CUL3: variants seen among roughly 807,000 people sequenced by gnomAD.
The protein encoded by CUL3 is cullin 3.
A neutral mutation model predicts 89.1 loss-of-function variants in CUL3; 19 were observed. The observed-to-expected ratio is 0.21, with a 90% confidence interval of 0.15 to 0.31. The LOEUF (loss-of-function observed/expected upper bound fraction) is 0.31. CUL3 is among the 10% of genes least tolerant of loss of function. The pLI, the probability that CUL3 is intolerant of heterozygous loss-of-function variation, is 1.00. For missense variants in CUL3, 469 were observed against 942.3 expected, an observed-to-expected ratio of 0.50 and a Z score of 6.58; for synonymous variants, 351 against 308.4, an observed-to-expected ratio of 1.14 and a Z score of -1.45.
intron 3 of CUL3, among the ~76,000 whole-genome samples, chr2:224,518,103 C>A (rs981331059): frequency 3.3e-5 from 5 of 152,092 alleles, no homozygotes; most frequent in African/African-American, 1.2e-4. Flanking sequence ...AGTGAGAGAA[C>A]CTTTTATCGG....
chr2:224,511,962 T>C (rs1300533401), intron 5 of CUL3, among the ~76,000 whole-genome samples: 1 of 152,242 alleles, frequency 6.6e-6, no homozygotes, highest in Non-Finnish European at 1.5e-5. Flanking sequence ...GAAAGATTCA[T>C]CATGTTTATC....
intron 1 of CUL3, among the ~76,000 whole-genome samples, chr2:224,579,681 A>G (rs895759999): frequency 3.9e-5 from 6 of 152,300 alleles, no homozygotes; most frequent in Non-Finnish European, 4.4e-5. Context: ...GCATTTTATC[A>G]TAACACTCTT....
intron 10 of CUL3, among the ~76,000 whole-genome samples, chr2:224,502,328 T>C (rs1378053486): frequency 6.6e-6 from 1 of 152,194 alleles, no homozygotes; most frequent in Non-Finnish European, 1.5e-5. Flanking sequence ...TAAGGTTAAG[T>C]TGAAAATCAG....
chr2:224,549,929 C>A lies in CUL3; in HGVS notation c.264+7730G>T, dbSNP rs1694450015. On this transcript the variant is annotated intron_variant, in intron 2 of 15. Transcript: ENST00000264414. ...TGAAAAACTGTAACTCTGCTAAATA[C>A]CTGTCAAATATTATTATCTTATAAT... Among the ~76,000 whole-genome samples the A allele has an allele frequency of 2.0e-5, 3 of 152,022 alleles. No individual in the cohort carries two copies. The South Asian group carries it at 6.2e-4, about 32-fold the overall frequency.
In CUL3 at chr2:224,471,503, T is replaced by A. The variant is rs1024302381; in HGVS notation, c.*2742A>T. ...CCCAACATATCCGGTGAACAAAACATCAACAGTGCTTCACTATGAGAAGGA... is the reference window on the plus strand; with the variant it reads ...CCCAACATATCCGGTGAACAAAACAACAACAGTGCTTCACTATGAGAAGGA... On this transcript the variant is annotated 3_prime_UTR_variant, in exon 16 of 16. Transcript: ENST00000264414. 1 of 193,820 alleles carries A rather than the reference T, an allele frequency of 5.2e-6. No individual in the cohort carries two copies. The highest frequency in any genetic ancestry group is 1.1e-5 in the Non-Finnish European group (1 of 93,102). The allele number at this position is 193,820 out of a possible 1,614,324, so 12.0% of individuals were successfully genotyped here. A position where few individuals can be genotyped will look rare whatever the true frequency, so the allele number is the denominator to read the frequency against.
At chr2:224,570,107 T>C (rs1695149842) in intron 1 of CUL3, among the ~76,000 whole-genome samples, 1 of 152,114 alleles carries the variant, frequency 6.6e-6, no homozygotes, top group Non-Finnish European at 1.5e-5. Context: ...TATGTTATTG[T>C]ACCCCTTACA....
chr2:224,508,852 C>T (rs1314621510), intron 6 of CUL3, among the ~76,000 whole-genome samples: 1 of 150,874 alleles, frequency 6.6e-6, no homozygotes, highest in Non-Finnish European at 1.5e-5. Flanking sequence ...GTCCCAGCTA[C>T]TCATGAGGCT....
At chr2:224,581,263 C>T (rs1183032627) in intron 1 of CUL3, among the ~76,000 whole-genome samples, 7 of 151,788 alleles carry the variant, frequency 4.6e-5, no homozygotes, top group Non-Finnish European at 8.8e-5. Context: ...GGCGTGGTGG[C>T]ACACGCCTGT....
In CUL3 at chr2:224,585,260, G is replaced by A; in HGVS notation, c.-251C>T. Reference sequence around the variant, plus strand: ...TGCGCTGGCGCGGCGGCTCCGCGGGGTCCCCCTCACGTCCGGCTCGGCTCC... The same window carrying A: ...TGCGCTGGCGCGGCGGCTCCGCGGGATCCCCCTCACGTCCGGCTCGGCTCC... On this transcript the variant is annotated 5_prime_UTR_variant, in exon 1 of 16. Coordinates refer to ENST00000264414, the MANE Select transcript of CUL3 (RefSeq NM_003590.5). 1 of 397,404 alleles carries A rather than the reference G, an allele frequency of 2.5e-6. No individual in the cohort carries two copies. The highest frequency in any genetic ancestry group is 4.4e-6 in the Non-Finnish European group (1 of 226,406). 24.6% of individuals were successfully genotyped at this position (397,404 alleles called of 1,614,324 possible). A position where few individuals can be genotyped will look rare whatever the true frequency, so the allele number is the denominator to read the frequency against.
chr2:224,569,600 C>A (rs1321808278), intron 1 of CUL3: 2 of 636,224 alleles, frequency 3.1e-6, no homozygotes, highest in Non-Finnish European at 3.9e-6. Context: ...AAAGCAAAAT[C>A]TTTTCATTTA....
Position 224,471,592 on chromosome 2 carries a change from C to T in CUL3, c.*2653G>A, listed in dbSNP as rs3768899. Reference sequence around the variant, plus strand: ...TTGATAGTACATAATTACAATGCTACACAGGTGACTCTAGCATACCTTTAG... The same window carrying T: ...TTGATAGTACATAATTACAATGCTATACAGGTGACTCTAGCATACCTTTAG... On this transcript the variant is annotated 3_prime_UTR_variant, in exon 16 of 16. Coordinates refer to ENST00000264414, the MANE Select transcript of CUL3 (RefSeq NM_003590.5). 0.18 allele frequency: 36,358 copies of T among 203,040 alleles called. 3,723 individuals are homozygous for T. The highest frequency in any genetic ancestry group is 0.28 in the East Asian group (3,729 of 13,114). The allele number at this position is 203,040 out of a possible 1,614,324, so 12.6% of individuals were successfully genotyped here.
intron 3 of CUL3, among the ~76,000 whole-genome samples, chr2:224,528,797 T>C (rs755408950): frequency 3.3e-5 from 5 of 152,146 alleles, no homozygotes; most frequent in Non-Finnish European, 7.4e-5. Flanking sequence ...TTTGAATTTA[T>C]TCCCTCTAAT....
At chr2:224,531,561 C>T (rs757743744) in intron 3 of CUL3, among the ~76,000 whole-genome samples, 3 of 152,024 alleles carry the variant, frequency 2.0e-5, no homozygotes, top group Non-Finnish European at 4.4e-5. Flanking sequence ...TTTCCATCCT[C>T]ATACACTCCA....
At chr2:224,490,791 T>G (rs1222704952) in intron 13 of CUL3, among the ~76,000 whole-genome samples, 1 of 152,022 alleles carries the variant, frequency 6.6e-6, no homozygotes, top group African/African-American at 2.4e-5. Context: ...TTTGTTCAAA[T>G]GAGCTGTCTG....
At chr2:224,524,351 G>A (rs1438920424) in intron 3 of CUL3, among the ~76,000 whole-genome samples, 2 of 152,070 alleles carry the variant, frequency 1.3e-5, no homozygotes, top group Non-Finnish European at 1.5e-5. Flanking sequence ...ACAAAGAGCC[G>A]CAATTTCTGC....
chr2:224,486,529 T>A (rs976249013), intron 13 of CUL3, among the ~76,000 whole-genome samples: 1 of 150,984 alleles, frequency 6.6e-6, no homozygotes, highest in African/African-American at 2.4e-5. Context: ...AGACAGAAGA[T>A]CAACTTAATG....
At chr2:224,533,352 C>G (rs922508398) in intron 3 of CUL3, among the ~76,000 whole-genome samples, 1 of 152,104 alleles carries the variant, frequency 6.6e-6, no homozygotes, top group Non-Finnish European at 1.5e-5. Context: ...CATGACTACT[C>G]TACCCAATAT....
At chr2:224,576,182 G>A (rs1198201378) in intron 1 of CUL3, among the ~76,000 whole-genome samples, 4 of 152,120 alleles carry the variant, frequency 2.6e-5, no homozygotes, top group Non-Finnish European at 4.4e-5. Context: ...GACTGTAATA[G>A]AAACCTCAAT....
intron 2 of CUL3, among the ~76,000 whole-genome samples, chr2:224,556,768 A>G (rs143379146): frequency 7.2e-5 from 11 of 152,272 alleles, no homozygotes; most frequent in African/African-American, 2.4e-4. Context: ...CTTTTGGGGT[A>G]GATGAAATCT....
Sources: allele counts gnomAD v4.1 joint callset (sites outside exome capture counted in the v4.1 genomes callset), GRCh38; gene constraint gnomAD v4.1.1; transcripts MANE v1.5; gene names NCBI Gene and HGNC (gene_info 2026-07-23, HGNC 2026-07-21).